Variants in BCAR3 observed in about 807,000 individuals in gnomAD.
The protein encoded by BCAR3 is BCAR3 adaptor protein, NSP family member, also known as breast cancer anti-estrogen resistance protein 3.
BCAR3 carries 37 observed loss-of-function variants against 80.1 expected under a neutral mutation model. The ratio of observed to expected loss-of-function variants is 0.46; its 90% CI spans 0.36 to 0.61. The LOEUF (loss-of-function observed/expected upper bound fraction) is 0.61. Ranked by LOEUF, BCAR3 falls within the 20% of genes least tolerant of loss-of-function variation. BCAR3 has a pLI of 0.00. For missense variants in BCAR3, 978 were observed against 1,068.2 expected (o/e 0.92, Z 1.18); for synonymous variants, 389 against 418.9 (o/e 0.93, Z 0.87).
intron 2 of BCAR3, among the ~76,000 whole-genome samples, chr1:93,668,022 A>C (rs1648008548): frequency 6.6e-6 from 1 of 152,188 alleles, no homozygotes; most frequent in African/African-American, 2.4e-5. Context: ...AAGGTGTTTC[A>C]ACATATATTG....
At chr1:93,806,646 C>T (rs575009613) in intron 2 of BCAR3, among the ~76,000 whole-genome samples, 2 of 152,216 alleles carry the variant, frequency 1.3e-5, no homozygotes, top group South Asian at 2.1e-4. Flanking sequence ...AGAGAAAGCC[C>T]TTCTCAGTGC....
intron 2 of BCAR3, among the ~76,000 whole-genome samples, chr1:93,833,188 G>C (rs1432123457): frequency 6.6e-6 from 1 of 152,172 alleles, no homozygotes; most frequent in East Asian, 1.9e-4. Context: ...ATGCCCACCT[G>C]AGCTGCAAAA....
intron 2 of BCAR3, among the ~76,000 whole-genome samples, chr1:93,707,622 G>A (rs557869964): frequency 2.6e-5 from 4 of 152,132 alleles, no homozygotes; most frequent in East Asian, 1.9e-4. Context: ...CAGGAGAATC[G>A]CTTGAACCCA....
At chr1:93,643,125 G>C (rs974743900) in intron 2 of BCAR3, among the ~76,000 whole-genome samples, 2 of 151,710 alleles carry the variant, frequency 1.3e-5, no homozygotes, top group African/African-American at 4.8e-5. Flanking sequence ...TACTAGGGAC[G>C]GTGAGGCAGG....
chr1:93,822,414 A>G (rs950052487), intron 2 of BCAR3, among the ~76,000 whole-genome samples: 4 of 151,120 alleles, frequency 2.6e-5, no homozygotes, highest in Admixed American at 2.6e-4. Flanking sequence ...GTCTTGGCTC[A>G]CTGCAACCTC....
intron 2 of BCAR3, among the ~76,000 whole-genome samples, chr1:93,658,504 T>C (rs919845994): frequency 5.9e-5 from 9 of 151,318 alleles, no homozygotes; most frequent in Admixed American, 1.3e-4. Context: ...ATACAAAAAT[T>C]AGCTGGGCAT....
At chr1:93,844,517 T>C (rs1253158843) in intron 2 of BCAR3, among the ~76,000 whole-genome samples, 1 of 152,138 alleles carries the variant, frequency 6.6e-6, no homozygotes, top group Non-Finnish European at 1.5e-5. Flanking sequence ...TTACTACAGA[T>C]ACAGCCTGAG....
chr1:93,747,646 A>T (rs949681874), intron 2 of BCAR3, among the ~76,000 whole-genome samples: 3 of 151,560 alleles, frequency 2.0e-5, no homozygotes, highest in African/African-American at 7.3e-5. Context: ...CGTCTCTCCC[A>T]TTCCATATAA....
intron 2 of BCAR3, among the ~76,000 whole-genome samples, chr1:93,757,059 C>G (rs1484075073): frequency 2.0e-5 from 3 of 152,254 alleles, no homozygotes; most frequent in African/African-American, 4.8e-5. Context: ...TCCAGTTCAG[C>G]TCCCACAGTA....
At chr1:93,806,806 C>T (rs530964203) in intron 2 of BCAR3, among the ~76,000 whole-genome samples, 1 of 152,188 alleles carries the variant, frequency 6.6e-6, no homozygotes, top group South Asian at 2.1e-4. Context: ...TTTTCTGAAC[C>T]TCAATAGAAG....
chr1:93,598,149 G>A (rs1674495844), intron 3 of BCAR3, among the ~76,000 whole-genome samples: 1 of 152,202 alleles, frequency 6.6e-6, no homozygotes. Flanking sequence ...GGCATGGGAG[G>A]AATGGAGCTA....
At chr1:93,767,523 CAAA>C (rs58484557) in intron 2 of BCAR3, among the ~76,000 whole-genome samples, 7 of 94,030 alleles carry the variant, frequency 7.4e-5, no homozygotes, top group Non-Finnish European at 7.2e-5. Flanking sequence ...GACTCTGTCT[CAAA>C]AAAAAAAAAA....
At chr1:93,650,217 T>C (rs1676279713) in intron 2 of BCAR3, among the ~76,000 whole-genome samples, 1 of 152,064 alleles carries the variant, frequency 6.6e-6, no homozygotes, top group Non-Finnish European at 1.5e-5. Context: ...AAACCTAGTC[T>C]CTACTAAAAA....
At chr1:93,734,502 C>G (rs1418158216) in intron 2 of BCAR3, among the ~76,000 whole-genome samples, 5 of 152,088 alleles carry the variant, frequency 3.3e-5, no homozygotes, top group Non-Finnish European at 7.3e-5. Flanking sequence ...CTGACCTGGG[C>G]TGACGTCTGA....
intron 2 of BCAR3, among the ~76,000 whole-genome samples, chr1:93,824,151 C>A (rs888759845): frequency 1.5e-5 from 2 of 134,078 alleles, no homozygotes; most frequent in African/African-American, 5.0e-5. Context: ...GAACCCTCAG[C>A]CACTACCCCA....
chr1:93,803,810 G>A (rs554817236), intron 2 of BCAR3, among the ~76,000 whole-genome samples: 11 of 152,324 alleles, frequency 7.2e-5, no homozygotes, highest in African/African-American at 2.6e-4. Flanking sequence ...GGGTACAGGA[G>A]GCACAGTATT....
intron 3 of BCAR3, among the ~76,000 whole-genome samples, chr1:93,636,242 A>G (rs1675775233): frequency 1.3e-5 from 2 of 152,212 alleles, no homozygotes; most frequent in Admixed American, 1.3e-4. Context: ...GAGAAGCTGC[A>G]GGGCTCTGTC....
chr1:93,688,101 C>T (rs1649038279), intron 3 of BCAR3, among the ~76,000 whole-genome samples: 1 of 152,216 alleles, frequency 6.6e-6, no homozygotes. Flanking sequence ...TAGCCATGAA[C>T]TTGGTGTCCA....
At chr1:93,713,358 G>T (rs1255371927) in intron 2 of BCAR3, among the ~76,000 whole-genome samples, 2 of 152,278 alleles carry the variant, frequency 1.3e-5, no homozygotes, top group Non-Finnish European at 2.9e-5. Flanking sequence ...AAGCTTCTCA[G>T]AAGGACCAAT....
Sources: gnomAD v4.1 joint callset for allele counts (sites outside exome capture counted in the v4.1 genomes callset) on GRCh38, gnomAD v4.1.1 for gene constraint, MANE v1.5 for transcripts, NCBI Gene and HGNC (gene_info 2026-07-23, HGNC 2026-07-21) for gene names.